RYR3: variants seen among roughly 807,000 people sequenced by gnomAD.
The protein encoded by RYR3 is brain ryanodine receptor-calcium release channel.
Under a neutral mutation model 584.3 loss-of-function variants are expected in RYR3, and 207 were observed. That is an observed-to-expected ratio of 0.35 (90% CI 0.32 to 0.40). The LOEUF (loss-of-function observed/expected upper bound fraction) is 0.40, where lower values mean the gene tolerates loss of function less well. RYR3 is among the 10% of genes least tolerant of loss of function. The pLI, the probability that RYR3 is intolerant of heterozygous loss-of-function variation, is 1.00. For synonymous variants in RYR3, 2,416 were observed against 2,248.5 expected, an observed-to-expected ratio of 1.07 and a Z score of -2.11; for missense variants, 5,616 against 6,089.2, an observed-to-expected ratio of 0.92 and a Z score of 2.59.
chr15:33,677,268 A>G (rs1353492132), intron 38 of RYR3, among the ~76,000 whole-genome samples: 1 of 152,204 alleles, frequency 6.6e-6, no homozygotes, highest in Non-Finnish European at 1.5e-5. Flanking sequence ...TTTAGGGTAC[A>G]TGGCCAGTGG....
chr15:33,343,281 T>C (rs550480802), intron 1 of RYR3, among the ~76,000 whole-genome samples: 9 of 152,254 alleles, frequency 5.9e-5, no homozygotes, highest in Admixed American at 5.9e-4. Context: ...TCACCCACTT[T>C]CCCTAAGCGG....
intron 61 of RYR3, 22 bp downstream of exon 61, chr15:33,768,729 G>C: frequency 1.2e-6 from 2 of 1,610,950 alleles, no homozygotes; most frequent in Non-Finnish European, 1.7e-6. Flanking sequence ...GTTGCTCAAG[G>C]TACCGCTCCT....
chr15:33,380,391 C>A (rs932474756), intron 1 of RYR3, among the ~76,000 whole-genome samples: 1 of 152,136 alleles, frequency 6.6e-6, no homozygotes, highest in Non-Finnish European at 1.5e-5. Flanking sequence ...TTACCCACTG[C>A]GAGGAAACCC....
intron 1 of RYR3, among the ~76,000 whole-genome samples, chr15:33,469,789 T>C (rs1260405243): frequency 6.6e-6 from 1 of 152,078 alleles, no homozygotes; most frequent in Non-Finnish European, 1.5e-5. Context: ...GCCTGAAGAA[T>C]GAATGAGATT....
intron 1 of RYR3, among the ~76,000 whole-genome samples, chr15:33,439,786 C>T (rs1230131164): frequency 3.9e-5 from 6 of 152,110 alleles, no homozygotes; most frequent in African/African-American, 1.4e-4. Context: ...GTACTTAGCT[C>T]ATTGACTAAC....
At chr15:33,519,308 G>A (rs1463558689) in intron 3 of RYR3, among the ~76,000 whole-genome samples, 1 of 152,210 alleles carries the variant, frequency 6.6e-6, no homozygotes, top group Non-Finnish European at 1.5e-5. Context: ...ATATATAGAA[G>A]CAAAGCTGAG....
At chr15:33,358,829 C>G (rs1974349123) in intron 1 of RYR3, among the ~76,000 whole-genome samples, 1 of 152,148 alleles carries the variant, frequency 6.6e-6, no homozygotes, top group Non-Finnish European at 1.5e-5. Flanking sequence ...GATGAGTGTT[C>G]TTTTACCAAA....
intron 3 of RYR3, among the ~76,000 whole-genome samples, chr15:33,514,191 C>G (rs2053293864): frequency 6.6e-6 from 1 of 152,156 alleles, no homozygotes; most frequent in Non-Finnish European, 1.5e-5. Context: ...AGTTTTTAGG[C>G]ATCAGTTGCC....
At chr15:33,326,478 G>A (rs75756954) in intron 1 of RYR3, among the ~76,000 whole-genome samples, 3,675 of 152,270 alleles carry the variant, frequency 0.024, 62 homozygotes, top group Non-Finnish European at 0.038. Flanking sequence ...GTTAAATAAA[G>A]GTAAAAGTTA....
intron 47 of RYR3, among the ~76,000 whole-genome samples, chr15:33,730,328 C>T (rs564688860): frequency 9.7e-6 from 1 of 102,900 alleles, no homozygotes; most frequent in Non-Finnish European, 2.4e-5. Context: ...CAAACACCAT[C>T]TACAACAAAA....
rs1318960131 is a variant in RYR3 at position 33,853,571 on chromosome 15, G to A, written c.13688G>A (p.Gly4563Glu). Residue 4563 changes from glycine (G) to glutamate (E), a missense_variant, in exon 96 of 104, where the codon GGA becomes GAA. This residue lies in a region of RYR3 where 918 missense variants were observed against 887.4 expected (regional missense o/e 1.03). Coordinates refer to ENST00000634891, the MANE Select transcript of RYR3 (RefSeq NM_001036.6). ...TTGCTTCAGGTGATCAACAAGTATG[G>A]AGATCTCTACGGAGCAGAACGCATT... Reference protein sequence around the residue: ...FVKRKVINKYGDLYGAERIAE... With the variant: ...FVKRKVINKYEDLYGAERIAE... 2 of 1,613,808 alleles carry A rather than the reference G, an allele frequency of 1.2e-6. No homozygotes were observed. The highest frequency in any genetic ancestry group is 1.7e-4 in the Middle Eastern group (1 of 6,060).
intron 16 of RYR3, among the ~76,000 whole-genome samples, chr15:33,588,701 G>A (rs1320522215): frequency 6.6e-6 from 1 of 152,188 alleles, no homozygotes; most frequent in Non-Finnish European, 1.5e-5. Context: ...AGAATATGCA[G>A]TATTTGACAT....
intron 26 of RYR3, 33 bp from the exon 27 acceptor site, chr15:33,636,343 C>T: frequency 6.2e-7 from 1 of 1,600,880 alleles, no homozygotes; most frequent in Non-Finnish European, 8.6e-7. Flanking sequence ...CTAGAGACTC[C>T]ATTTCTCTAA....
chr15:33,605,388 A>C (rs2059857480), intron 18 of RYR3, among the ~76,000 whole-genome samples: 1 of 152,180 alleles, frequency 6.6e-6, no homozygotes, highest in Non-Finnish European at 1.5e-5. Flanking sequence ...TCTGAAGGCA[A>C]GGAAGCTGGG....
chr15:33,415,969 C>T (rs192161354), intron 1 of RYR3, among the ~76,000 whole-genome samples: 3 of 152,116 alleles, frequency 2.0e-5, no homozygotes, highest in Non-Finnish European at 4.4e-5. Context: ...GTTTCTGTTT[C>T]TGTGTTAATT....
intron 1 of RYR3, among the ~76,000 whole-genome samples, chr15:33,370,558 C>G (rs1171650267): frequency 2.0e-5 from 3 of 152,124 alleles, no homozygotes; most frequent in Non-Finnish European, 4.4e-5. Flanking sequence ...TAGGTAATCA[C>G]TTTTGTGGCC....
At chr15:33,604,427 A>G (rs1232987944) in intron 18 of RYR3, among the ~76,000 whole-genome samples, 4 of 152,150 alleles carry the variant, frequency 2.6e-5, no homozygotes, top group African/African-American at 9.7e-5. Flanking sequence ...GTTGGTCCAT[A>G]TGGATTTTTT....
chr15:33,317,486 G>A (rs543400790), intron 1 of RYR3, among the ~76,000 whole-genome samples: 5 of 152,244 alleles, frequency 3.3e-5, no homozygotes, highest in South Asian at 2.1e-4. Context: ...GTCAGGGGGG[G>A]TGTTTTAGGG....
At chr15:33,632,708 C>A (rs1375530126) in intron 23 of RYR3, among the ~76,000 whole-genome samples, 1 of 152,128 alleles carries the variant, frequency 6.6e-6, no homozygotes, top group Non-Finnish European at 1.5e-5. Context: ...TTTGTATTGA[C>A]CATCTGCTTT....
Sources: gnomAD v4.1 joint callset for allele counts (sites outside exome capture counted in the v4.1 genomes callset) on GRCh38, gnomAD v4.1.1 for gene constraint, gnomAD v4.1.1 regional missense constraint, MANE v1.5 for transcripts, NCBI Gene and HGNC (gene_info 2026-07-23, HGNC 2026-07-21) for gene names.